The following WDR89 variants were observed in gnomAD, a reference collection of about 807,000 sequenced individuals.
WDR89 encodes the protein WD repeat-containing protein 89.
A neutral mutation model predicts 29.1 loss-of-function variants in WDR89; 17 were observed. That is an observed-to-expected ratio of 0.58 (90% CI 0.40 to 0.88). The LOEUF is 0.88. Among genes scored for constraint, WDR89 ranks in the 40% least tolerant of loss-of-function variants. The pLI, the probability that WDR89 is intolerant of heterozygous loss-of-function variation, is 0.00. For missense variants in WDR89, 396 were observed against 456.3 expected, an observed-to-expected ratio of 0.87 and a Z score of 1.20; for synonymous variants, 138 against 157.8, an observed-to-expected ratio of 0.87 and a Z score of 0.94.
At chr14:63,640,420 G>A (rs1350397805) in intron 1 of WDR89, among the ~76,000 whole-genome samples, 1 of 152,108 alleles carries the variant, frequency 6.6e-6, no homozygotes, top group East Asian at 1.9e-4. Context: ...CTACTGCGAT[G>A]TCTTTCCTCT....
chr14:63,639,386 T>C (rs1179208435), intron 1 of WDR89, among the ~76,000 whole-genome samples: 5 of 138,472 alleles, frequency 3.6e-5, no homozygotes, highest in Non-Finnish European at 6.2e-5. Flanking sequence ...AAGGAAGAGG[T>C]GACTCTCTTG....
At chr14:63,633,014 C>T (rs1408069997) in intron 1 of WDR89, among the ~76,000 whole-genome samples, 1 of 152,062 alleles carries the variant, frequency 6.6e-6, no homozygotes, top group Non-Finnish European at 1.5e-5. Flanking sequence ...CTATATGTTT[C>T]AGTTTCCTGT....
intron 1 of WDR89, among the ~76,000 whole-genome samples, chr14:63,626,169 G>A (rs1883036013): frequency 1.3e-5 from 2 of 152,102 alleles, no homozygotes; most frequent in African/African-American, 4.8e-5. Flanking sequence ...TAAAAAGTGA[G>A]AGACCTGATT....
intron 2 of WDR89, among the ~76,000 whole-genome samples, chr14:63,608,622 A>G (rs1487691377): frequency 3.9e-5 from 6 of 151,908 alleles, no homozygotes; most frequent in Non-Finnish European, 8.8e-5. Context: ...CAGTGTAAAT[A>G]CTGCAGTGAA....
In WDR89 at chr14:63,634,081, A is replaced by C. The variant is rs375364031; in HGVS notation, c.-138+7723T>G. Among the ~76,000 whole-genome samples the C allele has an allele frequency of 7.9e-5, 12 of 152,366 alleles. 1 individual carries two copies. The highest frequency in any genetic ancestry group is 2.9e-4 in the African/African-American group (12 of 41,596). On this transcript the variant is annotated intron_variant, in intron 1 of 2. Transcript: ENST00000620954. ...ATCTCCAAATAGAAAGATGTTTACC[A>C]TATTAATAATTACTTAAATTTCAGG...
chr14:63,625,324 A>C (rs575979870), intron 1 of WDR89, among the ~76,000 whole-genome samples: 2 of 150,902 alleles, frequency 1.3e-5, no homozygotes, highest in Non-Finnish European at 2.9e-5. Context: ...GGGCACAAGG[A>C]AACTTTTTGG....
At chr14:63,627,884 C>T (rs983330911) in intron 1 of WDR89, among the ~76,000 whole-genome samples, 3 of 151,764 alleles carry the variant, frequency 2.0e-5, no homozygotes, top group African/African-American at 7.3e-5. Context: ...CCCAGGAGGT[C>T]GAGTAGAGAA....
intron 2 of WDR89, among the ~76,000 whole-genome samples, chr14:63,619,742 C>T (rs143949430): frequency 4.5e-4 from 68 of 152,188 alleles, no homozygotes; most frequent in Non-Finnish European, 7.5e-4. Flanking sequence ...CCGTGGCTTA[C>T]GGCTGTATTC....
intron 2 of WDR89, among the ~76,000 whole-genome samples, chr14:63,609,927 A>C (rs1015338426): frequency 2.0e-5 from 3 of 152,164 alleles, no homozygotes; most frequent in Non-Finnish European, 4.4e-5. Context: ...TTGGATACCA[A>C]TCAAAATGTT....
chr14:63,610,581 C>T (rs149347908), intron 2 of WDR89, among the ~76,000 whole-genome samples: 2 of 152,148 alleles, frequency 1.3e-5, no homozygotes, highest in African/African-American at 4.8e-5. Flanking sequence ...CTATCATGAA[C>T]CCCCGGTATG....
At chr14:63,635,300 C>G (rs1408272488) in intron 1 of WDR89, among the ~76,000 whole-genome samples, 1 of 152,118 alleles carries the variant, frequency 6.6e-6, no homozygotes, top group East Asian at 1.9e-4. Flanking sequence ...AGGTTTCATA[C>G]CAGGAATGCA....
At chr14:63,613,527 A>T (rs1439589433) in intron 2 of WDR89, among the ~76,000 whole-genome samples, 2 of 148,676 alleles carry the variant, frequency 1.3e-5, no homozygotes, top group African/African-American at 5.0e-5. Flanking sequence ...TTTTGAGACA[A>T]GAGTCTCACT....
chr14:63,614,414 T>C (rs1001333257), intron 2 of WDR89, among the ~76,000 whole-genome samples: 18 of 151,558 alleles, frequency 1.2e-4, no homozygotes, highest in Non-Finnish European at 2.5e-4. Flanking sequence ...CTCAAGCAAT[T>C]CTCCCACCTA....
intron 1 of WDR89, among the ~76,000 whole-genome samples, chr14:63,638,374 C>T (rs926328062): frequency 6.6e-6 from 1 of 152,186 alleles, no homozygotes; most frequent in African/African-American, 2.4e-5. Context: ...ATCAGTTGAG[C>T]CCAAGAGTTT....
At chr14:63,617,077 CTTTT>C (rs10602220) in intron 2 of WDR89, among the ~76,000 whole-genome samples, 13 of 104,120 alleles carry the variant, frequency 1.2e-4, no homozygotes, top group African/African-American at 4.6e-4. Context: ...TAATTACAAG[CTTTT>C]TTTTTTTTTT....
At chr14:63,636,410 A>T (rs1883741527) in intron 1 of WDR89, among the ~76,000 whole-genome samples, 1 of 152,296 alleles carries the variant, frequency 6.6e-6, no homozygotes, top group South Asian at 2.1e-4. Context: ...AACTAGAAAA[A>T]ACAATCCTAA....
intron 1 of WDR89, among the ~76,000 whole-genome samples, chr14:63,632,756 A>C (rs1883492024): frequency 6.6e-6 from 1 of 152,166 alleles, no homozygotes; most frequent in African/African-American, 2.4e-5. Flanking sequence ...AATAGAGAAA[A>C]ATGAAAAAAG....
chr14:63,608,667 C>CACACACAA (rs1491420671), intron 2 of WDR89, among the ~76,000 whole-genome samples: 13 of 75,122 alleles, frequency 1.7e-4, no homozygotes, highest in Non-Finnish European at 3.1e-4. Flanking sequence ...GTGGTGCATG[C>CACACACAA]ACACACACAC....
chr14:63,608,681 C>T (rs1881756377), intron 2 of WDR89, among the ~76,000 whole-genome samples: 1 of 151,416 alleles, frequency 6.6e-6, no homozygotes, highest in Non-Finnish European at 1.5e-5. Context: ...CACACACACA[C>T]ACACACACAC....
Sources: gnomAD v4.1 joint callset for allele counts (sites outside exome capture counted in the v4.1 genomes callset) on GRCh38, gnomAD v4.1.1 for gene constraint, MANE v1.5 for transcripts, NCBI Gene and HGNC (gene_info 2026-07-23, HGNC 2026-07-21) for gene names.